The following MARCHF6 variants were observed in gnomAD, a reference collection of about 807,000 sequenced individuals.
The protein encoded by MARCHF6 is E3 ubiquitin-protein ligase MARCHF6.
Under a neutral mutation model 133.7 loss-of-function variants are expected in MARCHF6, and 31 were observed. That is an observed-to-expected ratio of 0.23 (90% CI 0.17 to 0.31). The LOEUF (loss-of-function observed/expected upper bound fraction) is 0.31, where lower values mean the gene tolerates loss of function less well. Ranked by LOEUF, MARCHF6 falls within the 10% of genes least tolerant of loss-of-function variation. MARCHF6 has a pLI of 1.00. For synonymous variants in MARCHF6, 395 were observed against 402.5 expected, an observed-to-expected ratio of 0.98 and a Z score of 0.22; for missense variants, 723 against 1,121.6, an observed-to-expected ratio of 0.64 and a Z score of 5.08.
chr5:10,360,570 T>C (rs1009936343), intron 1 of MARCHF6, among the ~76,000 whole-genome samples: 1 of 152,206 alleles, frequency 6.6e-6, no homozygotes, highest in African/African-American at 2.4e-5. Context: ...TGAGCATCTG[T>C]GGATTTTGGC....
chr5:10,418,754 G>C (rs1365037809), intron 22 of MARCHF6, among the ~76,000 whole-genome samples: 2 of 152,150 alleles, frequency 1.3e-5, no homozygotes, highest in Non-Finnish European at 2.9e-5. Context: ...ACCCTGGATT[G>C]TATCACCCAG....
At chr5:10,406,743 A>T (rs958318586) in intron 16 of MARCHF6, among the ~76,000 whole-genome samples, 3 of 152,204 alleles carry the variant, frequency 2.0e-5, no homozygotes, top group Admixed American at 2.0e-4. Context: ...TTTTGTAGCC[A>T]TTAACATGGG....
Position 10,414,449 on chromosome 5 carries a change from T to A in MARCHF6, c.1913T>A (p.Val638Asp), listed in dbSNP as rs1309914596. Residue 638 changes from valine to aspartate, a missense_variant, in exon 20 of 26, where the codon GTC (valine) becomes GAC (aspartate). This residue lies in a region of MARCHF6 where 492 missense variants were observed against 699.5 expected (regional missense o/e 0.70). Transcript: ENST00000274140. The stretch of plus-strand genomic sequence containing the variant: ...ACTTTGCAGATATTTCTGTTGATTG[T>A]CTTCATGTGTATAACATTACTGATT... Reference protein sequence around the residue: ...NFPLRIFLLIVFMCITLLIAS... With the variant: ...NFPLRIFLLIDFMCITLLIAS... 3 of 1,612,534 alleles carry A rather than the reference T, an allele frequency of 1.9e-6. No individual in the cohort carries two copies. Among genetic ancestry groups the A allele is most frequent in the Non-Finnish European group, 2.5e-6 (3 of 1,178,838 alleles).
intron 1 of MARCHF6, among the ~76,000 whole-genome samples, chr5:10,372,246 G>A (rs78007591): frequency 0.05 from 7,630 of 151,968 alleles, 650 homozygotes; most frequent in African/African-American, 0.17. Context: ...CAATTGAGGG[G>A]GGAGAAAACC....
rs192920823 is a variant in MARCHF6 at position 10,366,180 on chromosome 5, G to A, written c.20-11618G>A. On this transcript the variant is annotated intron_variant, in intron 1 of 25. Coordinates refer to ENST00000274140, the MANE Select transcript of MARCHF6 (RefSeq NM_005885.4). ...CTTCTGGACTCAAGTGATCCATCTT[G>A]CCAAAGTGCTGGGATTACAGGCATG... is the stretch of plus-strand genomic sequence containing the variant. Among the ~76,000 whole-genome samples the A allele has an allele frequency of 2.1e-3, 323 of 152,004 alleles. 2 individuals are homozygous for A. The highest frequency in any genetic ancestry group is 7.3e-3 in the African/African-American group (301 of 41,458).
rs762064486 is a variant in MARCHF6, at chr5:10,370,092, ATTTTTTTTTTTTTT to A, written c.20-7693_20-7680del. On this transcript the variant is annotated intron_variant, in intron 1 of 25. Transcript: ENST00000274140. ...ATAGGTATGGGAGTATCTTACTGTG[ATTTTTTTTTTTTTT>A]TTTTTTTTTTTTGAGACAGGATCTT... is the stretch of plus-strand genomic sequence containing the variant. Among the ~76,000 whole-genome samples, 5 of 64,960 alleles carry A rather than the reference ATTTTTTTTTTTTTT, an allele frequency of 7.7e-5. 1 individual carries two copies. The East Asian group carries it at 2.7e-3, about 35-fold the overall frequency. 42.6% of individuals were successfully genotyped at this position (64,960 alleles called of 152,430 possible).
chr5:10,368,959 TAA>T (rs112511673), intron 1 of MARCHF6, among the ~76,000 whole-genome samples: 2 of 143,730 alleles, frequency 1.4e-5, no homozygotes, highest in Admixed American at 7.0e-5. Flanking sequence ...TCTGTTTCTT[TAA>T]AAAAAAAAAA....
At chr5:10,387,576 T>TACA (rs1317868104) in intron 5 of MARCHF6, among the ~76,000 whole-genome samples, 1 of 152,204 alleles carries the variant, frequency 6.6e-6, no homozygotes, top group Non-Finnish European at 1.5e-5. Flanking sequence ...GTGCTGGGAT[T>TACA]ACAGGCGTGA....
At chr5:10,430,169 A>G in intron 25 of MARCHF6, 141 bp downstream of exon 25, 1 of 951,258 alleles carries the variant, frequency 1.1e-6, no homozygotes, top group East Asian at 2.7e-5. Flanking sequence ...TTGCTGACAG[A>G]TTGTGACATG....
chr5:10,374,004 C>A (rs1032646367), intron 1 of MARCHF6, among the ~76,000 whole-genome samples: 1 of 151,302 alleles, frequency 6.6e-6, no homozygotes, highest in Admixed American at 6.6e-5. Context: ...ATGGCCCTGT[C>A]ACTCTTAGGT....
Position 10,386,987 on chromosome 5 carries a change from T to A in MARCHF6, c.335-7T>A. 6.2e-7 allele frequency: 1 copy of A among 1,612,414 alleles called. No individual in the cohort carries two copies. The highest frequency in any genetic ancestry group is 8.5e-7 in the Non-Finnish European group (1 of 1,178,560). ...TGACTGTGTGCCATCATGCTCTTTT[T>A]CGGTAGGCCGCATCTACAAGTGCTT... is the stretch of plus-strand genomic sequence containing the variant. On this transcript the variant is annotated splice_polypyrimidine_tract_variant and splice_region_variant and intron_variant, in intron 4 of 25. Transcript: ENST00000274140.
At chr5:10,402,749 T>A in intron 14 of MARCHF6, 142 bp downstream of exon 14, 1 of 757,640 alleles carries the variant, frequency 1.3e-6, no homozygotes, top group Non-Finnish European at 2.2e-6. Context: ...TATAGGATCT[T>A]AATGTTAATT....
intron 1 of MARCHF6, among the ~76,000 whole-genome samples, chr5:10,371,335 T>C (rs928620318): frequency 6.6e-6 from 1 of 151,936 alleles, no homozygotes; most frequent in African/African-American, 2.4e-5. Context: ...GTAGAGATGG[T>C]AGGTGTATTA....
chr5:10,375,271 G>A (rs1736703725), intron 1 of MARCHF6, among the ~76,000 whole-genome samples: 1 of 152,236 alleles, frequency 6.6e-6, no homozygotes, highest in Non-Finnish European at 1.5e-5. Flanking sequence ...CGGCCCTGCC[G>A]GCCCAGGCAG....
Position 10,435,504 on chromosome 5 carries a change from T to G in MARCHF6, c.*1820T>G, listed in dbSNP as rs976062383. The G allele has an allele frequency of 3.3e-5, 5 of 150,250 alleles. No homozygotes were observed. Among genetic ancestry groups the G allele is most frequent in the African/African-American group, 1.2e-4 (5 of 40,856 alleles). 9.3% of individuals were successfully genotyped at this position (150,250 alleles called of 1,614,324 possible). A position where few individuals can be genotyped will look rare whatever the true frequency, so the allele number is the denominator to read the frequency against. On this transcript the variant is annotated 3_prime_UTR_variant, in exon 26 of 26. Transcript: ENST00000274140. ...AGGTCTTTGTTAGCCCTACCTTTAC[T>G]CAGAAATTTAGTCCTACTATAAAAA...
chr5:10,424,651 A>G (rs1055162509), intron 23 of MARCHF6, among the ~76,000 whole-genome samples: 3 of 152,232 alleles, frequency 2.0e-5, no homozygotes, highest in Non-Finnish European at 4.4e-5. Flanking sequence ...GGAGACAAAA[A>G]TGAAAATACG....
intron 20 of MARCHF6, 32 bp downstream of exon 20, chr5:10,414,534 CATCATT>C: frequency 6.6e-7 from 1 of 1,525,350 alleles, no homozygotes; most frequent in Non-Finnish European, 9.1e-7. Flanking sequence ...CAGCTAATAG[CATCATT>C]AAGGTTATTT....
chr5:10,380,960 G>A (rs921328910), intron 3 of MARCHF6, among the ~76,000 whole-genome samples: 2 of 150,272 alleles, frequency 1.3e-5, no homozygotes, highest in Non-Finnish European at 3.0e-5. Flanking sequence ...TTTGTCAGTT[G>A]TTTATTTCTC....
In MARCHF6 at chr5:10,438,576, C is replaced by G. The variant is rs1013043578; in HGVS notation, c.*4892C>G. 1 of 152,162 alleles carries G rather than the reference C, an allele frequency of 6.6e-6. No homozygotes were observed. Among genetic ancestry groups the G allele is most frequent in the Admixed American group, 6.5e-5 (1 of 15,270 alleles). 9.4% of individuals were successfully genotyped at this position (152,162 alleles called of 1,614,324 possible). On this transcript the variant is annotated 3_prime_UTR_variant, in exon 26 of 26. Coordinates refer to ENST00000274140, the MANE Select transcript of MARCHF6 (RefSeq NM_005885.4). Reference sequence around the variant, plus strand: ...AACATGTAGTGATAAGGAGAACTAACGTATCAAGGGGCTGAGAGGGTAACG... The same window carrying G: ...AACATGTAGTGATAAGGAGAACTAAGGTATCAAGGGGCTGAGAGGGTAACG...
Sources: allele counts gnomAD v4.1 joint callset (sites outside exome capture counted in the v4.1 genomes callset), GRCh38; gene constraint gnomAD v4.1.1; regional missense constraint gnomAD v4.1.1; transcripts MANE v1.5; gene names NCBI Gene and HGNC (gene_info 2026-07-23, HGNC 2026-07-21).